KIF11: variants seen among roughly 807,000 people sequenced by gnomAD.
KIF11 encodes kinesin family member 11.
A neutral mutation model predicts 121.0 loss-of-function variants in KIF11; 9 were observed. That is an observed-to-expected ratio of 0.07 (90% CI 0.04 to 0.13). The LOEUF (loss-of-function observed/expected upper bound fraction) is 0.13, where lower values mean the gene tolerates loss of function less well. KIF11 is among the 10% of genes least tolerant of loss of function. The pLI, the probability that KIF11 is intolerant of heterozygous loss-of-function variation, is 1.00. For synonymous variants in KIF11, 408 were observed against 421.0 expected (o/e 0.97, Z 0.38); for missense variants, 846 against 1,217.5 (o/e 0.69, Z 4.54).
chr10:92,593,411 AGAG>A lies in KIF11; in HGVS notation c.40_42del (p.Glu14del), dbSNP rs1490416728. On this transcript the variant is annotated inframe_deletion, in exon 1 of 22. Transcript: ENST00000260731. ...AGCCAAATTCGTCTGCGAAGAAGAA[AGAG>A]GAGAAGGGGAAGAACATCCAGGTGG... The A allele has an allele frequency of 1.2e-6, 2 of 1,611,652 alleles. No homozygotes were observed. Among genetic ancestry groups the A allele is most frequent in the African/African-American group, 1.3e-5 (1 of 75,060 alleles).
intron 19 of KIF11, among the ~76,000 whole-genome samples, chr10:92,648,758 G>T (rs1041672922): frequency 1.3e-5 from 2 of 152,210 alleles, no homozygotes; most frequent in African/African-American, 4.8e-5. Flanking sequence ...AGATGTAACT[G>T]ACTAAATCTA....
At chr10:92,595,647 T>TAA (rs1844285811) in intron 1 of KIF11, among the ~76,000 whole-genome samples, 3 of 152,196 alleles carry the variant, frequency 2.0e-5, no homozygotes, top group African/African-American at 7.2e-5. Flanking sequence ...TACATAATAT[T>TAA]CTGCAACAAT....
In KIF11 at chr10:92,632,614, G is replaced by T; in HGVS notation, c.1623G>T (p.Leu541=). 1.2e-6 allele frequency: 2 copies of T among 1,613,518 alleles called. No individual in the cohort carries two copies. Among genetic ancestry groups the T allele is most frequent in the Non-Finnish European group, 1.7e-6 (2 of 1,179,664 alleles). The change falls in exon 13 of 22, where the codon CTG becomes CTT. Residue 541 remains leucine, a synonymous_variant. Transcript: ENST00000260731. The stretch of plus-strand genomic sequence containing the variant: ...TTTTTGGCAAAAACCTGAATAGTCT[G>T]TTTAATAATATGGAAGAATTAATTA... ...QDIFGKNLNS[L]FNNMEELIKD...
intron 18 of KIF11, 66 bp from the exon 19 acceptor site, chr10:92,648,146 A>G: frequency 9.2e-7 from 1 of 1,089,782 alleles, no homozygotes; most frequent in Non-Finnish European, 1.3e-6. Context: ...AAGGGAAAAT[A>G]TGATGTTGAA....
chr10:92,621,488 A>G lies in KIF11; in HGVS notation c.1217+15A>G. 6.8e-7 allele frequency: 1 copy of G among 1,480,322 alleles called. No individual in the cohort carries two copies. Among genetic ancestry groups the G allele is most frequent in the Non-Finnish European group, 9.4e-7 (1 of 1,063,128 alleles). 91.7% of individuals were successfully genotyped at this position (1,480,322 alleles called of 1,614,324 possible). On this transcript the variant is annotated intron_variant, in intron 10 of 21. Coordinates refer to ENST00000260731, the MANE Select transcript of KIF11 (RefSeq NM_004523.4). ...GAAAATTTTAGGTAAGCCCTTGGCT[A>G]TGGAGTTAATTTCCAAGAATAAGCA...
chr10:92,636,831 C>T (rs1972360), intron 14 of KIF11, among the ~76,000 whole-genome samples: 46,906 of 150,922 alleles, frequency 0.31, 8,189 homozygotes, highest in East Asian at 0.67. Context: ...TCAGGAGTTC[C>T]AGACCAGCCT....
Position 92,632,471 on chromosome 10 carries a change from T to C in KIF11, c.1495-15T>C, listed in dbSNP as rs767142282. ...CCGTATCCATTTTGTCTAACACTTA[T>C]TTTTAAAAATATAGCTGCTTAACAC... On this transcript the variant is annotated splice_polypyrimidine_tract_variant and intron_variant, in intron 12 of 21. Transcript: ENST00000260731. 30 of 1,539,560 alleles carry C rather than the reference T, an allele frequency of 1.9e-5. No homozygotes were observed. The South Asian group carries it at 2.8e-4, about 15-fold the overall frequency.
At chr10:92,609,615 T>C (rs1844472990) in intron 6 of KIF11, 106 bp downstream of exon 6, 4 of 1,037,312 alleles carry the variant, frequency 3.9e-6, no homozygotes, top group African/African-American at 3.2e-5. Flanking sequence ...GTCACGTACC[T>C]AGAGTTTGTG....
intron 17 of KIF11, among the ~76,000 whole-genome samples, chr10:92,644,038 C>T (rs1378042244): frequency 6.6e-6 from 1 of 152,094 alleles, no homozygotes; most frequent in East Asian, 1.9e-4. Context: ...GATTTCTAGG[C>T]CATTCCATAG....
chr10:92,645,280 T>TA, intron 17 of KIF11, 83 bp from the exon 18 acceptor site: 6 of 1,012,722 alleles, frequency 5.9e-6, no homozygotes, highest in Non-Finnish European at 8.7e-6. Flanking sequence ...ATCTGCCACT[T>TA]AAGAGCTGAG....
At chr10:92,647,053 C>T (rs74151674) in intron 18 of KIF11, among the ~76,000 whole-genome samples, 16,110 of 152,192 alleles carry the variant, frequency 0.11, 1,009 homozygotes, top group South Asian at 0.17. Flanking sequence ...CCTGAACTCA[C>T]TGATAAATCT....
At chr10:92,620,246 A>C (rs984970489) in intron 9 of KIF11, among the ~76,000 whole-genome samples, 2 of 151,808 alleles carry the variant, frequency 1.3e-5, no homozygotes, top group Admixed American at 1.3e-4. Context: ...ACGCCCGGCT[A>C]ATTTTTTGTA....
At chr10:92,635,357 T>C (rs546970343) in intron 14 of KIF11, among the ~76,000 whole-genome samples, 5 of 152,316 alleles carry the variant, frequency 3.3e-5, no homozygotes, top group African/African-American at 7.2e-5. Context: ...TTCAGAGATA[T>C]TGCAGGTTTG....
chr10:92,630,402 G>C lies in KIF11; in HGVS notation c.1494+38G>C, dbSNP rs76008276. ...TGTTGATTTGTACTCATATTAAGTAGAGAATGGGTAGAAAAAATTTTCTGT... is the reference window on the plus strand; with the variant it reads ...TGTTGATTTGTACTCATATTAAGTACAGAATGGGTAGAAAAAATTTTCTGT... On this transcript the variant is annotated intron_variant, in intron 12 of 21. Coordinates refer to ENST00000260731, the MANE Select transcript of KIF11 (RefSeq NM_004523.4). 5,237 of 1,325,048 alleles carry C rather than the reference G, an allele frequency of 4.0e-3. 18 individuals are homozygous for C. The highest frequency in any genetic ancestry group is 4.2e-3 in the Non-Finnish European group (4,248 of 1,001,180). The allele number at this position is 1,325,048 out of a possible 1,614,324, so 82.1% of individuals were successfully genotyped here. A position where few individuals can be genotyped will look rare whatever the true frequency, so the allele number is the denominator to read the frequency against.
chr10:92,623,561 G>C (rs1844640202), intron 10 of KIF11, among the ~76,000 whole-genome samples: 1 of 152,132 alleles, frequency 6.6e-6, no homozygotes, highest in Non-Finnish European at 1.5e-5. Flanking sequence ...CACTCTAATA[G>C]TATATAAATC....
At chr10:92,622,318 G>A (rs1049269468) in intron 10 of KIF11, among the ~76,000 whole-genome samples, 9 of 150,072 alleles carry the variant, frequency 6.0e-5, no homozygotes, top group African/African-American at 2.2e-4. Context: ...AAATAGGCGC[G>A]ATAAATAAAA....
In KIF11 at chr10:92,645,413, G is replaced by A. The variant is rs1844907970; in HGVS notation, c.2318G>A (p.Cys773Tyr). 1.2e-6 allele frequency: 2 copies of A among 1,613,076 alleles called. No individual in the cohort carries two copies. ...NKMTFHSQKF[C>Y]ADSDGFSQEL... ...ATGACTTTTCACAGTCAAAAATTTT[G>A]TGCTGATTCTGATGGCTTCTCACAG... The change falls in exon 18 of 22, where the codon TGT (cysteine) becomes TAT (tyrosine). Residue 773 changes from cysteine to tyrosine, a missense_variant. Coordinates refer to ENST00000260731, the MANE Select transcript of KIF11 (RefSeq NM_004523.4).
intron 19 of KIF11, among the ~76,000 whole-genome samples, chr10:92,649,569 AAC>A (rs1373193375): frequency 6.6e-6 from 1 of 152,178 alleles, no homozygotes; most frequent in Non-Finnish European, 1.5e-5. Context: ...TAGAGCTTAT[AAC>A]ACATCTTTTA....
intron 1 of KIF11, chr10:92,597,032 C>T (rs1301192714): frequency 2.3e-5 from 9 of 394,612 alleles, no homozygotes; most frequent in African/African-American, 1.5e-4. Flanking sequence ...GTTCCTGGAT[C>T]TCCAAACCAA....
Sources: gnomAD v4.1 joint callset for allele counts (sites outside exome capture counted in the v4.1 genomes callset) on GRCh38, gnomAD v4.1.1 for gene constraint, MANE v1.5 for transcripts, NCBI Gene and HGNC (gene_info 2026-07-23, HGNC 2026-07-21) for gene names.